INPP5A: variants seen among roughly 807,000 people sequenced by gnomAD.
INPP5A encodes inositol polyphosphate-5-phosphatase A.
Under a neutral mutation model 65.2 loss-of-function variants are expected in INPP5A, and 14 were observed. That is an observed-to-expected ratio of 0.21 (90% CI 0.14 to 0.34). INPP5A has a LOEUF of 0.34. INPP5A is among the 10% of genes least tolerant of loss of function. The probability of loss-of-function intolerance (pLI) is 1.00; values close to 1 mark genes in which losing one functional copy is unlikely to be tolerated. For synonymous variants in INPP5A, 207 were observed against 208.3 expected (o/e 0.99, Z 0.05); for missense variants, 431 against 545.6 (o/e 0.79, Z 2.09).
intron 9 of INPP5A, 125 bp from the exon 10 acceptor site, chr10:132,749,392 C>G: frequency 2.4e-6 from 2 of 826,678 alleles, no homozygotes; most frequent in South Asian, 3.4e-5. Context: ...GTGCGGAAAT[C>G]TGGGTGTGAC....
chr10:132,749,566 A>G lies in INPP5A; in HGVS notation c.782A>G (p.Asn261Ser), dbSNP rs781476790. 37 of 1,612,878 alleles carry G rather than the reference A, an allele frequency of 2.3e-5. 1 individual carries two copies. The South Asian group carries it at 2.7e-4, about 12-fold the overall frequency. ...TMQTVRAADT[N>S]EVVKLIFRES... ...CAGACGGTCCGGGCCGCCGACACCA[A>G]TGAAGTGGTGAAGCTCATATTTCGT... The change falls in exon 10 of 16, where the codon AAT becomes AGT. Residue 261 changes from asparagine (N) to serine (S), a missense_variant. Coordinates refer to ENST00000368594, the MANE Select transcript of INPP5A (RefSeq NM_005539.5).
intron 1 of INPP5A, among the ~76,000 whole-genome samples, chr10:132,556,993 C>CAAGAA (rs2071135145): frequency 2.0e-5 from 3 of 152,288 alleles, no homozygotes; most frequent in African/African-American, 7.2e-5. Context: ...CTTTCTGTGG[C>CAAGAA]ACTCTTGGCT....
At chr10:132,597,159 GTGTGTGCGCA>G (rs2071713721) in intron 1 of INPP5A, among the ~76,000 whole-genome samples, 1 of 152,248 alleles carries the variant, frequency 6.6e-6, no homozygotes, top group South Asian at 2.1e-4. Context: ...GTGTGTGAGT[GTGTGTGCGCA>G]TGTGTGCGTA....
At chr10:132,554,544 G>A (rs2071099631) in intron 1 of INPP5A, among the ~76,000 whole-genome samples, 1 of 152,112 alleles carries the variant, frequency 6.6e-6, no homozygotes, top group Non-Finnish European at 1.5e-5. Flanking sequence ...TGATGTGGGT[G>A]GCATGGGTGT....
chr10:132,590,178 C>T (rs947537575), intron 1 of INPP5A, among the ~76,000 whole-genome samples: 14 of 152,162 alleles, frequency 9.2e-5, no homozygotes. Context: ...GGGATGCGGC[C>T]TCCTGCAGTG....
intron 1 of INPP5A, among the ~76,000 whole-genome samples, chr10:132,585,966 G>A (rs2071540394): frequency 6.6e-6 from 1 of 152,198 alleles, no homozygotes; most frequent in Admixed American, 6.5e-5. Flanking sequence ...CTGGGTCATT[G>A]TGAAGCAGCC....
intron 2 of INPP5A, among the ~76,000 whole-genome samples, chr10:132,638,748 A>C (rs1410216541): frequency 1.3e-5 from 2 of 152,058 alleles, no homozygotes; most frequent in Admixed American, 1.3e-4. Flanking sequence ...TTGTATTTTT[A>C]GTAGAGACGG....
intron 4 of INPP5A, among the ~76,000 whole-genome samples, chr10:132,666,981 C>T (rs1162581080): frequency 6.6e-6 from 1 of 152,160 alleles, no homozygotes; most frequent in Non-Finnish European, 1.5e-5. Context: ...ATTCCTCTCA[C>T]CCCCAACCCC....
Position 132,547,128 on chromosome 10 carries a change from G to A in INPP5A, c.75+8957G>A, listed in dbSNP as rs1248011876. On this transcript the variant is annotated intron_variant, in intron 1 of 15. Transcript: ENST00000368594. The surrounding 1 kb of genome is among the most constrained non-coding windows in gnomAD (Gnocchi z 5.5). ...GTGCCAGGCCACAGTCCAGGTTCAC[G>A]TGGATGCGGGGCAGGCCCCACCTCT... Among the ~76,000 whole-genome samples the A allele has an allele frequency of 6.6e-6, 1 of 152,244 alleles. No individual in the cohort carries two copies. The highest frequency in any genetic ancestry group is 1.5e-5 in the Non-Finnish European group (1 of 68,036).
chr10:132,601,907 T>G (rs984593378), intron 1 of INPP5A, among the ~76,000 whole-genome samples: 2 of 152,326 alleles, frequency 1.3e-5, no homozygotes, highest in South Asian at 4.2e-4. Context: ...AATTGTGAGG[T>G]TTCCAATTTG....
intron 4 of INPP5A, among the ~76,000 whole-genome samples, chr10:132,660,560 C>T (rs138436572): frequency 2.0e-5 from 3 of 152,272 alleles, no homozygotes; most frequent in East Asian, 1.9e-4. Context: ...TGATCTGGTG[C>T]GGTGAGGCAC....
intron 1 of INPP5A, among the ~76,000 whole-genome samples, chr10:132,542,100 C>T (rs1036771626): frequency 1.3e-5 from 2 of 152,250 alleles, no homozygotes; most frequent in Non-Finnish European, 1.5e-5. Context: ...GCTGTGGCGT[C>T]CCACCCTTGC....
At chr10:132,687,352 A>G (rs989993560) in intron 4 of INPP5A, among the ~76,000 whole-genome samples, 1 of 152,220 alleles carries the variant, frequency 6.6e-6, no homozygotes, top group South Asian at 2.1e-4. Flanking sequence ...AGCAGTGTCC[A>G]TGTCACAGCC....
At chr10:132,756,371 C>CGT (rs55910416) in intron 11 of INPP5A, among the ~76,000 whole-genome samples, 1 of 151,616 alleles carries the variant, frequency 6.6e-6, no homozygotes, top group Non-Finnish European at 1.5e-5. Flanking sequence ...CGTGTGCACT[C>CGT]GTGTGTGTGT....
At chr10:132,646,860 C>T (rs1416484867) in intron 3 of INPP5A, among the ~76,000 whole-genome samples, 1 of 152,230 alleles carries the variant, frequency 6.6e-6, no homozygotes, top group Non-Finnish European at 1.5e-5. Context: ...GACGCTGCTG[C>T]CATGCTCTGT....
intron 4 of INPP5A, among the ~76,000 whole-genome samples, chr10:132,653,738 A>G (rs2072611658): frequency 1.3e-5 from 2 of 152,388 alleles, no homozygotes; most frequent in Non-Finnish European, 2.9e-5. Flanking sequence ...GGTATTTTAA[A>G]TTATGTGAAA....
intron 1 of INPP5A, among the ~76,000 whole-genome samples, chr10:132,568,749 C>G (rs981038210): frequency 1.3e-5 from 2 of 151,472 alleles, no homozygotes; most frequent in East Asian, 3.9e-4. Context: ...AAGAGTGAAA[C>G]TCTGTCTCAA....
chr10:132,744,676 G>A (rs974181475), intron 9 of INPP5A, among the ~76,000 whole-genome samples: 12 of 152,160 alleles, frequency 7.9e-5, no homozygotes, highest in Admixed American at 2.0e-4. Context: ...TTTGTGGTTC[G>A]TTTTTATTTT....
At position 132,705,361 on chromosome 10, in the gene INPP5A, C is replaced by T. The variant is rs1486886583; in HGVS notation, c.475-2952C>T. Among the ~76,000 whole-genome samples, 7 of 152,378 alleles carry T rather than the reference C, an allele frequency of 4.6e-5. No individual in the cohort carries two copies. In the South Asian group the frequency reaches 1.0e-3, roughly 23 times the overall value. On this transcript the variant is annotated intron_variant, in intron 6 of 15. Transcript: ENST00000368594. This position sits in a 1 kb window ranked among gnomAD's most constrained non-coding sequence, Gnocchi z 4.9. ...GCTCCCTGGGTCGTCTGGGCATGGCCCCATGCAGCAGCCAGACCAGTAGCC... is the reference window on the plus strand; with the variant it reads ...GCTCCCTGGGTCGTCTGGGCATGGCTCCATGCAGCAGCCAGACCAGTAGCC...
Sources: allele counts gnomAD v4.1 joint callset (sites outside exome capture counted in the v4.1 genomes callset), GRCh38; gene constraint gnomAD v4.1.1; non-coding constraint Gnocchi (gnomAD v3.1); transcripts MANE v1.5; gene names NCBI Gene and HGNC (gene_info 2026-07-23, HGNC 2026-07-21).